The following ZDHHC14 variants were observed in gnomAD, a reference collection of about 807,000 sequenced individuals.
The protein encoded by ZDHHC14 is palmitoyltransferase ZDHHC14.
A neutral mutation model predicts 47.7 loss-of-function variants in ZDHHC14; 16 were observed. The ratio of observed to expected loss-of-function variants is 0.34; its 90% CI spans 0.23 to 0.51. ZDHHC14 has a LOEUF of 0.51. Ranked by LOEUF, ZDHHC14 falls within the 20% of genes least tolerant of loss-of-function variation. The pLI is 0.97. For missense variants in ZDHHC14, 515 were observed against 662.5 expected, an observed-to-expected ratio of 0.78 and a Z score of 2.44; for synonymous variants, 293 against 278.9, an observed-to-expected ratio of 1.05 and a Z score of -0.50.
intron 1 of ZDHHC14, among the ~76,000 whole-genome samples, chr6:157,391,492 G>C (rs956916076): frequency 2.0e-5 from 3 of 152,170 alleles, no homozygotes; most frequent in African/African-American, 7.2e-5. Flanking sequence ...CCTACCCCCA[G>C]CCTTTGGTGT....
intron 1 of ZDHHC14, among the ~76,000 whole-genome samples, chr6:157,519,374 T>C (rs1780829016): frequency 1.2e-5 from 1 of 81,600 alleles, no homozygotes; most frequent in African/African-American, 4.6e-5. Flanking sequence ...AGTAGGGCAT[T>C]GCCTGGAAAA....
At chr6:157,607,480 T>G (rs17545054) in intron 3 of ZDHHC14, among the ~76,000 whole-genome samples, 99,380 of 152,064 alleles carry the variant, frequency 0.65, 32,721 homozygotes, top group South Asian at 0.8. Context: ...CCAAACACAG[T>G]TGTGCAGCAT....
chr6:157,481,526 G>T (rs1275194332), intron 1 of ZDHHC14, among the ~76,000 whole-genome samples: 1 of 152,164 alleles, frequency 6.6e-6, no homozygotes, highest in Non-Finnish European at 1.5e-5. Flanking sequence ...TCTCATTACT[G>T]CTCTGTGCAG....
chr6:157,516,460 C>G (rs1780696801), intron 1 of ZDHHC14, among the ~76,000 whole-genome samples: 1 of 152,172 alleles, frequency 6.6e-6, no homozygotes, highest in African/African-American at 2.4e-5. Context: ...TGTGTGTCTG[C>G]CATGATGTCA....
intron 2 of ZDHHC14, among the ~76,000 whole-genome samples, chr6:157,584,137 G>A (rs986140827): frequency 1.1e-4 from 17 of 151,990 alleles, no homozygotes; most frequent in South Asian, 4.2e-4. Flanking sequence ...GGAGATCTCG[G>A]TTGCCTCTAG....
chr6:157,604,286 TAAAAAAAAAA>T (rs201921035), intron 3 of ZDHHC14, among the ~76,000 whole-genome samples: 2 of 140,524 alleles, frequency 1.4e-5, no homozygotes, highest in African/African-American at 5.3e-5. Context: ...AAGCCTGTCT[TAAAAAAAAAA>T]AAAAAAAAAA....
At chr6:157,566,367 GT>G (rs1782902386) in intron 2 of ZDHHC14, among the ~76,000 whole-genome samples, 1 of 152,174 alleles carries the variant, frequency 6.6e-6, no homozygotes, top group Non-Finnish European at 1.5e-5. Context: ...AGAAACTGCT[GT>G]TTGCTAGGAT....
chr6:157,628,110 G>A (rs1785511015), intron 3 of ZDHHC14, among the ~76,000 whole-genome samples: 1 of 152,226 alleles, frequency 6.6e-6, no homozygotes, highest in Non-Finnish European at 1.5e-5. Context: ...GTTGCCATTT[G>A]AGAAGAATGC....
Position 157,645,815 on chromosome 6 carries a change from C to T in ZDHHC14, c.831C>T (p.Ser277=), listed in dbSNP as rs748208222. ...CAGGATTCCACACCTACTTGATCAG[C>T]TCCAACCAGACAACAAATGAGGACG... The part of the protein sequence containing the change: ...GLSGFHTYLI[S]SNQTTNEDIK... Residue 277 remains serine, a synonymous_variant, in exon 6 of 9, where the codon AGC becomes AGT. Coordinates refer to ENST00000359775, the MANE Select transcript of ZDHHC14 (RefSeq NM_024630.3). The T allele has an allele frequency of 3.7e-6, 6 of 1,614,040 alleles. No individual in the cohort carries two copies. Among genetic ancestry groups the T allele is most frequent in the East Asian group, 2.2e-5 (1 of 44,904 alleles).
At chr6:157,487,778 G>A (rs184941810) in intron 1 of ZDHHC14, among the ~76,000 whole-genome samples, 11 of 152,348 alleles carry the variant, frequency 7.2e-5, no homozygotes, top group Admixed American at 6.5e-4. Flanking sequence ...GGAGATGTCA[G>A]GACCCAGACT....
intron 5 of ZDHHC14, among the ~76,000 whole-genome samples, chr6:157,642,940 G>GC (rs1437767121): frequency 6.6e-6 from 1 of 152,228 alleles, no homozygotes; most frequent in Non-Finnish European, 1.5e-5. Flanking sequence ...TAGGTCTAGG[G>GC]CCACCTGCCC....
In ZDHHC14 at chr6:157,674,553, C is replaced by T. The variant is rs1207409616; in HGVS notation, c.*1431C>T. ...CCTGGCTTCTTTCCAGACCATAAAT[C>T]TAACAGCTAAAGCTACTCAAGTTCA... On this transcript the variant is annotated 3_prime_UTR_variant, in exon 9 of 9. Coordinates refer to ENST00000359775, the MANE Select transcript of ZDHHC14 (RefSeq NM_024630.3). The T allele has an allele frequency of 6.6e-6, 1 of 152,232 alleles. No individual in the cohort carries two copies. The highest frequency in any genetic ancestry group is 2.4e-5 in the African/African-American group (1 of 41,442). 9.4% of individuals were successfully genotyped at this position (152,232 alleles called of 1,614,324 possible).
intron 1 of ZDHHC14, among the ~76,000 whole-genome samples, chr6:157,446,995 C>G (rs1292687029): frequency 6.6e-6 from 1 of 151,828 alleles, no homozygotes; most frequent in African/African-American, 2.4e-5. Context: ...GGCACATGCC[C>G]GTACTCCCAG....
intron 8 of ZDHHC14, among the ~76,000 whole-genome samples, chr6:157,665,779 A>G (rs1324755324): frequency 3.3e-5 from 5 of 152,046 alleles, no homozygotes; most frequent in African/African-American, 1.2e-4. Context: ...CAAGTGGGGG[A>G]TGGGGGTGGT....
In ZDHHC14 at chr6:157,582,071, AT is replaced by A. The variant is rs2114874878; in HGVS notation, c.407-10912del. On this transcript the variant is annotated intron_variant, in intron 2 of 8. Coordinates refer to ENST00000359775, the MANE Select transcript of ZDHHC14 (RefSeq NM_024630.3). This position sits in a 1 kb window ranked among gnomAD's most constrained non-coding sequence, Gnocchi z 4.3. Reference sequence around the variant, plus strand: ...CCACCATGCCTGGCTAATTTTTTGTATTTTTAGTAGATTTGGGCTTTCTCCA... The same window carrying A: ...CCACCATGCCTGGCTAATTTTTTGTATTTTAGTAGATTTGGGCTTTCTCCA... Among the ~76,000 whole-genome samples, 1 of 152,060 alleles carries A rather than the reference AT, an allele frequency of 6.6e-6. No individual in the cohort carries two copies. The highest frequency in any genetic ancestry group is 1.9e-4 in the East Asian group (1 of 5,168).
intron 2 of ZDHHC14, among the ~76,000 whole-genome samples, chr6:157,576,702 A>T (rs902412169): frequency 2.6e-5 from 4 of 152,150 alleles, no homozygotes; most frequent in African/African-American, 9.7e-5. Flanking sequence ...TTGCCCTGTG[A>T]CTTACATCCT....
chr6:157,399,118 C>T (rs1435120804), intron 1 of ZDHHC14, among the ~76,000 whole-genome samples: 13 of 152,226 alleles, frequency 8.5e-5, no homozygotes, highest in African/African-American at 3.1e-4. Context: ...GATAAAAGCA[C>T]CCCTTCAGAG....
intron 1 of ZDHHC14, among the ~76,000 whole-genome samples, chr6:157,469,676 G>A (rs540772347): frequency 6.6e-6 from 1 of 152,330 alleles, no homozygotes; most frequent in African/African-American, 2.4e-5. Flanking sequence ...CGTGGCAGAG[G>A]GAGAGAGTCC....
chr6:157,426,521 G>A (rs761036866), intron 1 of ZDHHC14, among the ~76,000 whole-genome samples: 11 of 152,100 alleles, frequency 7.2e-5, no homozygotes, highest in African/African-American at 2.2e-4. Flanking sequence ...AGGGGCCTAC[G>A]GGGCACTCAG....
Sources: gnomAD v4.1 joint callset for allele counts (sites outside exome capture counted in the v4.1 genomes callset) on GRCh38, gnomAD v4.1.1 for gene constraint, Gnocchi (gnomAD v3.1) non-coding constraint, MANE v1.5 for transcripts, NCBI Gene and HGNC (gene_info 2026-07-23, HGNC 2026-07-21) for gene names.